Variants in CPT1C observed in about 807,000 individuals in gnomAD.
CPT1C encodes the protein palmitoyl thioesterase CPT1C.
A neutral mutation model predicts 97.3 loss-of-function variants in CPT1C; 61 were observed. The ratio of observed to expected loss-of-function variants is 0.63; its 90% CI spans 0.51 to 0.78. The LOEUF is 0.78. CPT1C is among the 30% of genes least tolerant of loss of function. CPT1C has a pLI of 0.00. For synonymous variants in CPT1C, 469 were observed against 447.2 expected, an observed-to-expected ratio of 1.05 and a Z score of -0.61; for missense variants, 975 against 1,065.5, an observed-to-expected ratio of 0.92 and a Z score of 1.18.
intron 3 of CPT1C, among the ~76,000 whole-genome samples, chr19:49,694,575 G>A (rs59755901): frequency 0.052 from 7,746 of 148,968 alleles, 371 homozygotes; most frequent in South Asian, 0.19. Flanking sequence ...ATTGCAGTGA[G>A]CCAAGATTGC....
intron 4 of CPT1C, among the ~76,000 whole-genome samples, chr19:49,698,662 C>CAAAA (rs34974547): frequency 8.7e-6 from 1 of 114,534 alleles, no homozygotes; most frequent in Non-Finnish European, 1.8e-5. Context: ...GACTCTGTCT[C>CAAAA]AAAAAAAAAA....
chr19:49,713,499 A>G lies in CPT1C; in HGVS notation c.2306A>G (p.Lys769Arg). ...CTGTTCCAGGCGGGACAGCATTTTA[A>G]GCGCCGGTTCAGAGGGTCAGGGAAG... ...ASLFQAGQHF[K>R]RRFRGSGKEN... The change falls in exon 20 of 20, where the codon AAG (lysine) becomes AGG (arginine). Residue 769 changes from lysine (K) to arginine (R), a missense_variant. Coordinates refer to ENST00000598293, the MANE Select transcript of CPT1C (RefSeq NM_001199753.2). 3 of 1,614,196 alleles carry G rather than the reference A, an allele frequency of 1.9e-6. No individual in the cohort carries two copies. The highest frequency in any genetic ancestry group is 2.5e-6 in the Non-Finnish European group (3 of 1,180,050).
At chr19:49,692,425 G>A in intron 3 of CPT1C, 32 bp downstream of exon 3, 1 of 1,610,440 alleles carries the variant, frequency 6.2e-7, no homozygotes. Flanking sequence ...TTTCCTTCCG[G>A]GGATCCAGGT....
intron 3 of CPT1C, 149 bp downstream of exon 3, chr19:49,692,542 C>A: frequency 2.0e-6 from 2 of 1,014,178 alleles, no homozygotes; most frequent in Non-Finnish European, 1.4e-6. Context: ...TCCCAGGACC[C>A]CTTTAGCAAT....
rs1345507768 is a variant in CPT1C, at chr19:49,712,920, G to A, written c.2134-52G>A. On this transcript the variant is annotated intron_variant, in intron 18 of 19. Coordinates refer to ENST00000598293, the MANE Select transcript of CPT1C (RefSeq NM_001199753.2). ...GGGGGGCCTGCACTCCTGCATAGTG[G>A]GGGTGGAGGGGACCGGAGCTATTTT... is the stretch of plus-strand genomic sequence containing the variant. The A allele has an allele frequency of 6.9e-6, 11 of 1,591,486 alleles. No homozygotes were observed. In the African/African-American group the frequency reaches 1.1e-4, roughly 16 times the overall value.
At chr19:49,700,908 T>A (rs2123269599) in intron 5 of CPT1C, 53 bp downstream of exon 5, 2 of 1,569,940 alleles carry the variant, frequency 1.3e-6, no homozygotes, top group East Asian at 4.5e-5. Flanking sequence ...GCTTATCTAT[T>A]CCCCTCTCTC....
rs1481673217 is a variant in CPT1C at position 49,710,433 on chromosome 19, C to T, written c.1680C>T (p.His560=). 2 of 1,614,100 alleles carry T rather than the reference C, an allele frequency of 1.2e-6. No homozygotes were observed. Among genetic ancestry groups the T allele is most frequent in the Non-Finnish European group, 8.5e-7 (1 of 1,180,058 alleles). ...LFGKSFIRRC[H]LSSDSFIQIA... ...GCAAGAGCTTCATCCGACGCTGCCA[C>T]CTCTCTTCAGACAGCTTCATCCAGA... The change falls in exon 15 of 20, where the codon CAC becomes CAT. Residue 560 remains histidine (H), a synonymous_variant. Coordinates refer to ENST00000598293, the MANE Select transcript of CPT1C (RefSeq NM_001199753.2).
chr19:49,708,711 G>T lies in CPT1C; in HGVS notation c.1450-12G>T, dbSNP rs2083657719. 1.2e-6 allele frequency: 2 copies of T among 1,603,776 alleles called. No homozygotes were observed. The highest frequency in any genetic ancestry group is 2.7e-5 in the African/African-American group (2 of 74,656). On this transcript the variant is annotated splice_polypyrimidine_tract_variant and intron_variant, in intron 13 of 19. Coordinates refer to ENST00000598293, the MANE Select transcript of CPT1C (RefSeq NM_001199753.2). ...GGAGGAAGGGACTCTAACAGCCTCT[G>T]TTTGCCCACAGTTCACTCTGGCTAC...
At position 49,699,478 on chromosome 19, in the gene CPT1C, A is replaced by AAAAAG. The variant is rs1200359323; in HGVS notation, c.282-1202_282-1201insGAAAA. On this transcript the variant is annotated intron_variant, in intron 4 of 19. Coordinates refer to ENST00000598293, the MANE Select transcript of CPT1C (RefSeq NM_001199753.2). ...TCTCTAAAAAAAAAAAAAAAAAAAA[A>AAAAAG]AAAAAAAAAAAAATTCCTGGAACGC... Among the ~76,000 whole-genome samples the AAAAAG allele has an allele frequency of 4.3e-4, 62 of 145,024 alleles. 1 individual carries two copies. In the East Asian group the frequency reaches 6.9e-3, roughly 16 times the overall value.
chr19:49,708,565 T>C (rs2083650284), intron 13 of CPT1C, among the ~76,000 whole-genome samples, 158 bp from the exon 14 acceptor site: 3 of 152,192 alleles, frequency 2.0e-5, no homozygotes, highest in Admixed American at 1.3e-4. Flanking sequence ...CTGTTCTTGA[T>C]GAACATGAAC....
chr19:49,706,131 G>C lies in CPT1C; in HGVS notation c.1160+27G>C, dbSNP rs761825439. The C allele has an allele frequency of 6.9e-6, 11 of 1,594,700 alleles. No homozygotes were observed. In the South Asian group the frequency reaches 1.2e-4, roughly 18 times the overall value. On this transcript the variant is annotated intron_variant, in intron 11 of 19. Transcript: ENST00000598293. The surrounding 1 kb of genome is among the most constrained non-coding windows in gnomAD (Gnocchi z 4.8). Reference sequence around the variant, plus strand: ...TAAGGGTCAGGGGTCAGGGGTCAGGGGCTCTCAGAGGCCGCCAGTGTCCTG... The same window carrying C: ...TAAGGGTCAGGGGTCAGGGGTCAGGCGCTCTCAGAGGCCGCCAGTGTCCTG...
At position 49,697,350 on chromosome 19, in the gene CPT1C, C is replaced by T. The variant is rs2082728479; in HGVS notation, c.166C>T (p.Pro56Ser). 1 of 1,614,006 alleles carries T rather than the reference C, an allele frequency of 6.2e-7. No individual in the cohort carries two copies. The change falls in exon 4 of 20, where the codon CCT becomes TCT. Residue 56 changes from proline to serine, a missense_variant. Around this residue, in one of 3 missense-constraint regions of CPT1C, gnomAD observed 596 missense variants for 603.1 expected, o/e 0.99. Transcript: ENST00000598293. ...FWNDFLTGVF[P>S]ASPLSWLFLF... ...GAATGACTTTCTCACCGGTGTGTTTCCTGCCAGCCCCCTCAGTTGGCTTTT... is the reference window on the plus strand; with the variant it reads ...GAATGACTTTCTCACCGGTGTGTTTTCTGCCAGCCCCCTCAGTTGGCTTTT...
rs1292000257 is a variant in CPT1C, at chr19:49,702,122, TTATA to T, written c.693+489_693+492del. On this transcript the variant is annotated intron_variant, in intron 7 of 19. Coordinates refer to ENST00000598293, the MANE Select transcript of CPT1C (RefSeq NM_001199753.2). ...AAATTATAAATATATATTTATTTAT[TTATA>T]AATTATAAATAAATATATATTTATT... 4.8e-5 allele frequency among the ~76,000 whole-genome samples: 5 copies of T among 104,340 alleles called. 1 individual carries two copies. In the Admixed American group the frequency reaches 5.8e-4, roughly 12 times the overall value. The allele number at this position is 104,340 out of a possible 152,430, so 68.5% of individuals were successfully genotyped here.
intron 4 of CPT1C, among the ~76,000 whole-genome samples, chr19:49,698,588 G>A (rs12977862): frequency 0.12 from 17,825 of 151,882 alleles, 1,365 homozygotes; most frequent in Non-Finnish European, 0.17. Context: ...ACTTGAACCC[G>A]GGAGGCGGAG....
intron 3 of CPT1C, among the ~76,000 whole-genome samples, chr19:49,695,772 G>C (rs540451315): frequency 6.6e-6 from 1 of 150,658 alleles, no homozygotes; most frequent in African/African-American, 2.4e-5. Context: ...TAGTAGAGAC[G>C]GGGTTTCACC....
At chr19:49,702,547 G>A (rs886610708) in intron 7 of CPT1C, among the ~76,000 whole-genome samples, 2 of 151,420 alleles carry the variant, frequency 1.3e-5, no homozygotes, top group Admixed American at 1.3e-4. Flanking sequence ...TTGAACCCAG[G>A]AGGCAGAGGT....
At position 49,706,372 on chromosome 19, in the gene CPT1C, T is replaced by C; in HGVS notation, c.1302T>C (p.Asp434=). 6.6e-7 allele frequency: 1 copy of C among 1,508,062 alleles called. No homozygotes were observed. The highest frequency in any genetic ancestry group is 8.8e-7 in the Non-Finnish European group (1 of 1,133,738). The allele number at this position is 1,508,062 out of a possible 1,614,324, so 93.4% of individuals were successfully genotyped here. A position where few individuals can be genotyped will look rare whatever the true frequency, so the allele number is the denominator to read the frequency against. ...GGGAGGACCCGGCAGCGTCGTTGGA[T>C]GCCTACGCCCATGCTCTGCTGGCCG... is the stretch of plus-strand genomic sequence containing the variant. The part of the protein sequence containing the change: ...LTREDPAASL[D]AYAHALLAGR... Residue 434 remains aspartate, a synonymous_variant, in exon 12 of 20, where the codon GAT becomes GAC. Coordinates refer to ENST00000598293, the MANE Select transcript of CPT1C (RefSeq NM_001199753.2). The surrounding 1 kb of genome is among the most constrained non-coding windows in gnomAD (Gnocchi z 4.8).
At chr19:49,708,016 A>G (rs1391013217) in intron 13 of CPT1C, among the ~76,000 whole-genome samples, 1 of 150,518 alleles carries the variant, frequency 6.6e-6, no homozygotes, top group Non-Finnish European at 1.5e-5. Context: ...AAAAAAAAAA[A>G]AAAAAAAAAA....
chr19:49,690,734 C>T (rs934287214), upstream of CPT1C, among the ~76,000 whole-genome samples: 1 of 152,168 alleles, frequency 6.6e-6, no homozygotes, highest in Non-Finnish European at 1.5e-5. The surrounding 1 kb of genome is among the most constrained non-coding windows in gnomAD (Gnocchi z 4.4). Flanking sequence ...AATCCATGCA[C>T]CTTCCGTGGG....
Sources: gnomAD v4.1 joint callset for allele counts (sites outside exome capture counted in the v4.1 genomes callset) on GRCh38, gnomAD v4.1.1 for gene constraint, gnomAD v4.1.1 regional missense constraint, Gnocchi (gnomAD v3.1) non-coding constraint, MANE v1.5 for transcripts, NCBI Gene and HGNC (gene_info 2026-07-23, HGNC 2026-07-21) for gene names.